Variants in SLC30A4 observed in about 807,000 individuals in gnomAD.
SLC30A4 encodes the protein probable proton-coupled zinc antiporter SLC30A4.
In SLC30A4, 20 loss-of-function variants were observed where a neutral mutation model predicts 41.7. The observed-to-expected ratio is 0.48, with a 90% CI of 0.34 to 0.70. The LOEUF (loss-of-function observed/expected upper bound fraction) is 0.70. Among genes scored for constraint, SLC30A4 ranks in the 30% least tolerant of loss-of-function variants. The pLI is 0.01. For synonymous variants in SLC30A4, 181 were observed against 195.9 expected (o/e 0.92, Z 0.64); for missense variants, 441 against 529.3 (o/e 0.83, Z 1.64).
chr15:45,486,149 A>G (rs1891701070), intron 7 of SLC30A4, among the ~76,000 whole-genome samples: 1 of 151,516 alleles, frequency 6.6e-6, no homozygotes, highest in Non-Finnish European at 1.5e-5. Context: ...CAGCCTCCCA[A>G]GTAGCTGGGA....
intron 7 of SLC30A4, among the ~76,000 whole-genome samples, chr15:45,485,749 C>T (rs1341086349): frequency 1.3e-5 from 2 of 149,692 alleles, no homozygotes; most frequent in East Asian, 3.9e-4. Flanking sequence ...TGGAGTTTCG[C>T]TCTTGTTGCC....
intron 3 of SLC30A4, among the ~76,000 whole-genome samples, chr15:45,494,680 T>C (rs755167508): frequency 1.3e-5 from 2 of 149,744 alleles, no homozygotes; most frequent in African/African-American, 2.6e-5. Flanking sequence ...AGAGCGAGAC[T>C]CTGTCTCAAA....
intron 3 of SLC30A4, chr15:45,501,958 G>A (rs1892043951): frequency 6.6e-6 from 1 of 152,004 alleles, no homozygotes; most frequent in Non-Finnish European, 1.5e-5. Context: ...ATGACATAGA[G>A]GATGATACTA....
chr15:45,505,221 A>G (rs1566879432), intron 3 of SLC30A4, among the ~76,000 whole-genome samples: 1 of 151,168 alleles, frequency 6.6e-6, no homozygotes, highest in East Asian at 1.9e-4. Context: ...ACAAGAGCAA[A>G]ACTCCATCTC....
intron 2 of SLC30A4, among the ~76,000 whole-genome samples, chr15:45,515,310 G>A (rs917734386): frequency 6.6e-6 from 1 of 151,902 alleles, no homozygotes; most frequent in Non-Finnish European, 1.5e-5. Context: ...TTTCAGGCAT[G>A]AGCCACTGCA....
In SLC30A4 at chr15:45,522,292, C is replaced by G. The variant is rs765821986; in HGVS notation, c.63G>C (p.Leu21=). 6.2e-7 allele frequency: 1 copy of G among 1,614,158 alleles called. No individual in the cohort carries two copies. The part of the protein sequence containing the change: ...KSMLRKDDAP[L]FLNDTSAFDF... ...CAAAGGCGCTGGTGTCATTTAAAAA[C>G]AGCGGCGCATCATCCTTCCTTAGCA... The change falls in exon 2 of 8, where the codon CTG becomes CTC. Residue 21 remains leucine, a synonymous_variant. Transcript: ENST00000261867.
At chr15:45,508,983 T>C (rs1483799926) in intron 3 of SLC30A4, among the ~76,000 whole-genome samples, 1 of 152,192 alleles carries the variant, frequency 6.6e-6, no homozygotes, top group Non-Finnish European at 1.5e-5. Context: ...TTTCACTGCT[T>C]TCATCAGAAT....
At chr15:45,487,911 A>AGAGT (rs1555391087) in intron 5 of SLC30A4, among the ~76,000 whole-genome samples, 5 of 137,694 alleles carry the variant, frequency 3.6e-5, no homozygotes, top group South Asian at 5.0e-4. Context: ...GAAAGAAGTA[A>AGAGT]GTGTGTGTGT....
intron 2 of SLC30A4, chr15:45,515,900 C>T (rs1011934103): frequency 6.6e-6 from 1 of 152,022 alleles, no homozygotes; most frequent in Admixed American, 6.6e-5. Context: ...CAGGTAAGCA[C>T]CACCATGCCC....
Position 45,517,605 on chromosome 15 carries a change from A to G in SLC30A4, c.391+4359T>C, listed in dbSNP as rs988240649. ...CGATCCATTCTTCACATAACAGCAGAGTAATCTTTCAAAAAGGTAAATCCC... is the reference window on the plus strand; with the variant it reads ...CGATCCATTCTTCACATAACAGCAGGGTAATCTTTCAAAAAGGTAAATCCC... On this transcript the variant is annotated intron_variant, in intron 2 of 7. Transcript: ENST00000261867. Among the ~76,000 whole-genome samples, 5 of 151,858 alleles carry G rather than the reference A, an allele frequency of 3.3e-5. No homozygotes were observed. In the East Asian group the frequency reaches 5.8e-4, roughly 18 times the overall value.
chr15:45,491,050 ACT>A (rs1891801631), intron 3 of SLC30A4, among the ~76,000 whole-genome samples, 169 bp from the exon 4 acceptor site: 1 of 151,888 alleles, frequency 6.6e-6, no homozygotes, highest in African/African-American at 2.4e-5. Flanking sequence ...ACAGGGTCTC[ACT>A]CTGTCACCCA....
At chr15:45,487,724 T>C in intron 5 of SLC30A4, 92 bp from the exon 6 acceptor site, 1 of 649,098 alleles carries the variant, frequency 1.5e-6, no homozygotes, top group Non-Finnish European at 2.8e-6. Flanking sequence ...TCTTGCTTGA[T>C]TTTCTTTAGC....
intron 7 of SLC30A4, 83 bp from the exon 8 acceptor site, chr15:45,485,400 T>C (rs1891678886): frequency 1.1e-6 from 1 of 874,756 alleles, no homozygotes. Flanking sequence ...AACTGAAATA[T>C]ACTGGGAATA....
Position 45,522,066 on chromosome 15 carries a change from T to C in SLC30A4, c.289A>G (p.Asn97Asp). 1.9e-6 allele frequency: 3 copies of C among 1,614,182 alleles called. No homozygotes were observed. The highest frequency in any genetic ancestry group is 2.5e-6 in the Non-Finnish European group (3 of 1,180,030). ...QLSLKVDSCDNCSKQREILKQ... is the reference protein window; with the variant it reads ...QLSLKVDSCDDCSKQREILKQ... ...AGTATCTCTCTCTGTTTGCTGCAGT[T>C]GTCACAGGAGTCCACCTTCAAACTC... The change falls in exon 2 of 8, where the codon AAC (asparagine) becomes GAC (aspartate). Residue 97 changes from asparagine to aspartate, a missense_variant. Physicochemically the swap from Asn to Asp is conservative, Grantham distance 23. This residue lies in a region of SLC30A4 where 312 missense variants were observed against 341.9 expected (regional missense o/e 0.91). Coordinates refer to ENST00000261867, the MANE Select transcript of SLC30A4 (RefSeq NM_013309.6).
At position 45,522,448 on chromosome 15, in the gene SLC30A4, T is replaced by G; in HGVS notation, c.-94A>C. 8.3e-7 allele frequency: 1 copy of G among 1,207,828 alleles called. No individual in the cohort carries two copies. Among genetic ancestry groups the G allele is most frequent in the Non-Finnish European group, 1.1e-6 (1 of 879,988 alleles). 74.8% of individuals were successfully genotyped at this position (1,207,828 alleles called of 1,614,324 possible). A position where few individuals can be genotyped will look rare whatever the true frequency, so the allele number is the denominator to read the frequency against. On this transcript the variant is annotated 5_prime_UTR_variant, in exon 2 of 8. Coordinates refer to ENST00000261867, the MANE Select transcript of SLC30A4 (RefSeq NM_013309.6). The stretch of plus-strand genomic sequence containing the variant: ...CCGGAGCGCCAGTTCTCGAGGGCAG[T>G]GCCGCGCGTCCCTCCCCATCCTGTG...
chr15:45,507,093 G>A (rs983602387), intron 3 of SLC30A4, among the ~76,000 whole-genome samples: 4 of 152,194 alleles, frequency 2.6e-5, no homozygotes, highest in Non-Finnish European at 4.4e-5. Flanking sequence ...AGGCCGAGGC[G>A]GGTGGATCAC....
In SLC30A4 at chr15:45,487,623, T is replaced by G. The variant is rs1455152726; in HGVS notation, c.904A>C (p.Lys302Gln). The G allele has an allele frequency of 9.2e-6, 14 of 1,517,798 alleles. No individual in the cohort carries two copies. The highest frequency in any genetic ancestry group is 1.3e-5 in the Non-Finnish European group (14 of 1,094,800). The allele number at this position is 1,517,798 out of a possible 1,614,324, so 94.0% of individuals were successfully genotyped here. The change falls in exon 6 of 8, where the codon AAG (lysine) becomes CAG (glutamine). Residue 302 changes from lysine (K) to glutamine (Q), a missense_variant. By Grantham distance (53) the Lys-to-Gln change is moderately conservative. Around this residue, in one of 3 missense-constraint regions of SLC30A4, gnomAD observed 29 missense variants for 66.4 expected, o/e 0.44. Coordinates refer to ENST00000261867, the MANE Select transcript of SLC30A4 (RefSeq NM_013309.6). Reference sequence around the variant, plus strand: ...TATGTACAGATGGGGTCAGCAATCTTGTATTCTGGCTAAAGGGTAATAGAT... The same window carrying G: ...TATGTACAGATGGGGTCAGCAATCTGGTATTCTGGCTAAAGGGTAATAGAT... ...AYIIRFKPEY[K>Q]IADPICTYVF...
chr15:45,520,278 AT>A (rs930657443), intron 2 of SLC30A4, among the ~76,000 whole-genome samples: 3 of 149,916 alleles, frequency 2.0e-5, no homozygotes, highest in African/African-American at 2.4e-5. Flanking sequence ...TTATTTACTT[AT>A]TTTTTTTTGA....
chr15:45,501,953 A>G (rs1283863965), intron 3 of SLC30A4: 1 of 152,180 alleles, frequency 6.6e-6, no homozygotes, highest in Non-Finnish European at 1.5e-5. Context: ...AGAACATGAC[A>G]TAGAGGATGA....
Sources: gnomAD v4.1 joint callset for allele counts (sites outside exome capture counted in the v4.1 genomes callset) on GRCh38, gnomAD v4.1.1 for gene constraint, gnomAD v4.1.1 regional missense constraint, MANE v1.5 for transcripts, NCBI Gene and HGNC (gene_info 2026-07-23, HGNC 2026-07-21) for gene names.